SPATS2L: variants seen among roughly 807,000 people sequenced by gnomAD.
The protein encoded by SPATS2L is SPATS2-like protein.
Under a neutral mutation model 59.6 loss-of-function variants are expected in SPATS2L, and 30 were observed. The ratio of observed to expected loss-of-function variants is 0.50; its 90% CI spans 0.38 to 0.68. The LOEUF (loss-of-function observed/expected upper bound fraction) is 0.68, where lower values mean the gene tolerates loss of function less well. SPATS2L is among the 30% of genes least tolerant of loss of function. The pLI, the probability that SPATS2L is intolerant of heterozygous loss-of-function variation, is 0.00. For synonymous variants in SPATS2L, 252 were observed against 263.5 expected (o/e 0.96, Z 0.42); for missense variants, 615 against 700.0 (o/e 0.88, Z 1.37).
chr2:200,314,134 C>T (rs1196840512), intron 1 of SPATS2L, among the ~76,000 whole-genome samples: 2 of 152,220 alleles, frequency 1.3e-5, no homozygotes, highest in East Asian at 1.9e-4. Context: ...TCTTATCTGA[C>T]ATGTGTTCCA....
At chr2:200,353,606 T>G (rs897638894) in intron 2 of SPATS2L, among the ~76,000 whole-genome samples, 3 of 152,058 alleles carry the variant, frequency 2.0e-5, no homozygotes, top group Non-Finnish European at 4.4e-5. Context: ...AAACTTTGAA[T>G]CTAACCACCC....
chr2:200,462,129 T>TTA lies in SPATS2L; in HGVS notation c.847+2302_847+2303insTA, dbSNP rs1412506914. Among the ~76,000 whole-genome samples, 15 of 152,354 alleles carry TTA rather than the reference T, an allele frequency of 9.8e-5. No individual in the cohort carries two copies. In the South Asian group the frequency reaches 1.4e-3, roughly 15 times the overall value. ...AGCTTACTTCAGTTTCATGTCCTAA[T>TTA]GATAAAAATGCTAACAACCAACACA... is the stretch of plus-strand genomic sequence containing the variant. On this transcript the variant is annotated intron_variant, in intron 9 of 12. Transcript: ENST00000409140.
At chr2:200,354,801 G>A (rs1007937719) in intron 2 of SPATS2L, among the ~76,000 whole-genome samples, 4 of 152,064 alleles carry the variant, frequency 2.6e-5, no homozygotes, top group Non-Finnish European at 4.4e-5. Flanking sequence ...TTTTAAAAGC[G>A]CTTTTTGGGA....
At chr2:200,439,605 C>T (rs1466438337) in intron 7 of SPATS2L, among the ~76,000 whole-genome samples, 1 of 152,210 alleles carries the variant, frequency 6.6e-6, no homozygotes, top group Non-Finnish European at 1.5e-5. Context: ...CAAGTACCTT[C>T]TATCCTAATA....
At chr2:200,306,493 G>C (rs533311561), upstream of SPATS2L, 45 of 1,002,312 alleles carry the variant, frequency 4.5e-5, no homozygotes, top group African/African-American at 7.1e-4. Flanking sequence ...GGAGGGACGA[G>C]ATCTGTGTCA....
chr2:200,422,358 A>G (rs1187412228), intron 6 of SPATS2L, among the ~76,000 whole-genome samples: 6 of 151,988 alleles, frequency 3.9e-5, no homozygotes, highest in African/African-American at 1.2e-4. Context: ...GCAACATGGC[A>G]AAACCCCATC....
At chr2:200,367,107 G>A (rs936077811) in intron 2 of SPATS2L, among the ~76,000 whole-genome samples, 20 of 152,138 alleles carry the variant, frequency 1.3e-4, no homozygotes, top group African/African-American at 4.3e-4. Context: ...TAAAACATCA[G>A]TATTCTAAGT....
chr2:200,408,238 G>A (rs62279298), intron 3 of SPATS2L, among the ~76,000 whole-genome samples: 14,955 of 152,206 alleles, frequency 0.098, 844 homozygotes, highest in Middle Eastern at 0.13. Context: ...AACTGGGCAT[G>A]GGGAGCTTGT....
upstream of SPATS2L, chr2:200,306,198 G>A: frequency 1.0e-6 from 1 of 1,001,644 alleles, no homozygotes; most frequent in Non-Finnish European, 1.2e-6. Context: ...TACATTTTGA[G>A]CTTGGATCCT....
At chr2:200,439,043 A>T (rs1189573745) in intron 6 of SPATS2L, 79 bp from the exon 7 acceptor site, 1 of 1,263,536 alleles carries the variant, frequency 7.9e-7, no homozygotes, top group African/African-American at 1.5e-5. Flanking sequence ...AAAAACAAAA[A>T]TCTTGGCATC....
chr2:200,348,899 A>C (rs2080615321), intron 2 of SPATS2L, among the ~76,000 whole-genome samples: 1 of 152,090 alleles, frequency 6.6e-6, no homozygotes, highest in South Asian at 2.1e-4. Flanking sequence ...AAAAAAAAAA[A>C]AATTTGCATG....
intron 2 of SPATS2L, among the ~76,000 whole-genome samples, chr2:200,369,441 G>A (rs2081360424): frequency 1.3e-5 from 2 of 152,126 alleles, no homozygotes; most frequent in African/African-American, 4.8e-5. Context: ...TTACGGGCAT[G>A]AGCCACCGTG....
Position 200,318,753 on chromosome 2 carries a change from G to A in SPATS2L, c.-72-10678G>A, listed in dbSNP as rs145632244. On this transcript the variant is annotated intron_variant, in intron 1 of 12. Transcript: ENST00000409140. ...GAAACTCAGTGATAAGAAATTACAC[G>A]TGTAGAAAGCAGACAATGGAAACGG... 1.9e-3 allele frequency among the ~76,000 whole-genome samples: 283 copies of A among 152,264 alleles called. 7 individuals carry two copies. In the South Asian group the frequency reaches 0.042, roughly 22 times the overall value.
intron 4 of SPATS2L, among the ~76,000 whole-genome samples, chr2:200,412,964 G>A (rs1259659949): frequency 6.6e-6 from 1 of 152,190 alleles, no homozygotes; most frequent in Non-Finnish European, 1.5e-5. Context: ...GCTGAGGTGG[G>A]AGGATGGCTT....
At chr2:200,313,571 A>T (rs1299550917) in intron 1 of SPATS2L, among the ~76,000 whole-genome samples, 1 of 151,962 alleles carries the variant, frequency 6.6e-6, no homozygotes, top group Non-Finnish European at 1.5e-5. Context: ...GGTCTCAATG[A>T]TCCTTTTCTT....
At chr2:200,360,894 A>AC (rs1002453576) in intron 2 of SPATS2L, among the ~76,000 whole-genome samples, 2 of 136,476 alleles carry the variant, frequency 1.5e-5, no homozygotes, top group Non-Finnish European at 3.0e-5. Context: ...CCATTGTACG[A>AC]CCCCCCGCCC....
intron 2 of SPATS2L, chr2:200,378,506 C>G (rs562665985): frequency 3.8e-6 from 2 of 530,172 alleles, no homozygotes; most frequent in Non-Finnish European, 5.0e-6. Flanking sequence ...TCTTTCCCAC[C>G]AAGTGCCAGT....
chr2:200,350,173 C>T (rs1040467783), intron 2 of SPATS2L, among the ~76,000 whole-genome samples: 3 of 152,164 alleles, frequency 2.0e-5, no homozygotes, highest in Non-Finnish European at 4.4e-5. Context: ...TCTGTTCCCC[C>T]TCTCAGCCTT....
At chr2:200,330,769 AT>A (rs1235552441) in intron 2 of SPATS2L, among the ~76,000 whole-genome samples, 1 of 152,198 alleles carries the variant, frequency 6.6e-6, no homozygotes, top group Non-Finnish European at 1.5e-5. Context: ...TTCTGATCAT[AT>A]TTTTGTCAGG....
Sources: gnomAD v4.1 joint callset for allele counts (sites outside exome capture counted in the v4.1 genomes callset) on GRCh38, gnomAD v4.1.1 for gene constraint, MANE v1.5 for transcripts, NCBI Gene and HGNC (gene_info 2026-07-23, HGNC 2026-07-21) for gene names.